Variants in EMSY observed in about 807,000 individuals in gnomAD.
The protein encoded by EMSY is EMSY transcriptional repressor, BRCA2 interacting.
Under a neutral mutation model 134.6 loss-of-function variants are expected in EMSY, and 26 were observed. The observed-to-expected ratio is 0.19, with a 90% confidence interval of 0.14 to 0.27. The LOEUF (loss-of-function observed/expected upper bound fraction) is 0.27. EMSY is among the 10% of genes least tolerant of loss of function. The pLI, the probability that EMSY is intolerant of heterozygous loss-of-function variation, is 1.00. For synonymous variants in EMSY, 579 were observed against 577.8 expected, an observed-to-expected ratio of 1.00 and a Z score of -0.03; for missense variants, 1,305 against 1,611.4, an observed-to-expected ratio of 0.81 and a Z score of 3.26.
At chr11:76,480,940 C>T (rs528319568) in intron 8 of EMSY, among the ~76,000 whole-genome samples, 17 of 152,340 alleles carry the variant, frequency 1.1e-4, no homozygotes, top group African/African-American at 3.6e-4. Context: ...GAGATTCCTT[C>T]GGGTGCCTAT....
intron 9 of EMSY, among the ~76,000 whole-genome samples, chr11:76,506,378 A>G (rs1270311013): frequency 6.6e-6 from 1 of 152,210 alleles, no homozygotes; most frequent in African/African-American, 2.4e-5. Context: ...ATTAAAGACC[A>G]CACTGATAAA....
At chr11:76,488,546 T>A (rs11236763) in intron 8 of EMSY, among the ~76,000 whole-genome samples, 1 of 152,078 alleles carries the variant, frequency 6.6e-6, no homozygotes, top group Non-Finnish European at 1.5e-5. Flanking sequence ...TTTTTTTTTT[T>A]ATTTTTTAGC....
intron 8 of EMSY, among the ~76,000 whole-genome samples, chr11:76,480,045 TTGA>T (rs1437359902): frequency 3.3e-5 from 5 of 152,236 alleles, no homozygotes; most frequent in African/African-American, 4.8e-5. Context: ...AAAGCATTTG[TTGA>T]TGATGAAGCA....
intron 11 of EMSY, among the ~76,000 whole-genome samples, chr11:76,522,696 C>G (rs1279526685): frequency 1.3e-5 from 2 of 152,028 alleles, no homozygotes; most frequent in African/African-American, 2.4e-5. Context: ...AAATACATGG[C>G]TTATTTCTTT....
intron 8 of EMSY, among the ~76,000 whole-genome samples, chr11:76,489,647 C>T (rs1349808724): frequency 6.6e-6 from 1 of 151,590 alleles, no homozygotes; most frequent in East Asian, 1.9e-4. Context: ...CTCTATCGCC[C>T]AGGCTGGAGT....
At chr11:76,522,658 G>A (rs2136273561) in intron 11 of EMSY, among the ~76,000 whole-genome samples, 1 of 152,082 alleles carries the variant, frequency 6.6e-6, no homozygotes, top group Non-Finnish European at 1.5e-5. Context: ...ACCACGCCTG[G>A]CCTACTTTGT....
At chr11:76,518,049 C>T (rs1188150945) in intron 11 of EMSY, among the ~76,000 whole-genome samples, 1 of 151,856 alleles carries the variant, frequency 6.6e-6, no homozygotes, top group Non-Finnish European at 1.5e-5. Context: ...TCTTTCATTG[C>T]CTATTTATAG....
At chr11:76,474,731 C>T (rs544121292) in intron 8 of EMSY, among the ~76,000 whole-genome samples, 1 of 152,290 alleles carries the variant, frequency 6.6e-6, no homozygotes, top group Admixed American at 6.5e-5. Context: ...TCTATTTATA[C>T]AGCAGTGAAT....
chr11:76,489,608 CTT>C (rs58914353), intron 8 of EMSY, among the ~76,000 whole-genome samples: 8 of 141,558 alleles, frequency 5.7e-5, no homozygotes, highest in Admixed American at 1.4e-4. Context: ...CTTGATGTAT[CTT>C]TTTTTTTTTT....
intron 7 of EMSY, among the ~76,000 whole-genome samples, chr11:76,471,154 C>T (rs1211423655): frequency 6.6e-6 from 1 of 152,128 alleles, no homozygotes; most frequent in Non-Finnish European, 1.5e-5. Context: ...ATTTGTCTCC[C>T]TGTTTCTACC....
Position 76,459,913 on chromosome 11 carries a change from C to CT in EMSY, c.422-17dup. 1 of 1,605,978 alleles carries CT rather than the reference C, an allele frequency of 6.2e-7. No individual in the cohort carries two copies. The highest frequency in any genetic ancestry group is 8.5e-7 in the Non-Finnish European group (1 of 1,173,948). On this transcript the variant is annotated intron_variant, in intron 5 of 20. Transcript: ENST00000334736. ...AGTTTTGGTGAAAGTTAACAGCAAACTTTTTTATCGTTCCTTCAGTAGTGG... is the reference window on the plus strand; with the variant it reads ...AGTTTTGGTGAAAGTTAACAGCAAACTTTTTTTATCGTTCCTTCAGTAGTGG...
chr11:76,537,021 C>G (rs753816146), intron 15 of EMSY, among the ~76,000 whole-genome samples: 67 of 152,252 alleles, frequency 4.4e-4, no homozygotes, highest in Admixed American at 1.1e-3. Flanking sequence ...CCAAAGATTA[C>G]TAGCATTTAA....
At chr11:76,445,572 G>A (rs760697122) in intron 1 of EMSY, among the ~76,000 whole-genome samples, 3 of 152,138 alleles carry the variant, frequency 2.0e-5, no homozygotes, top group Non-Finnish European at 4.4e-5. Context: ...TGTTTGGAGA[G>A]GGGGCGGGGC....
chr11:76,508,343 CT>C (rs35428460), intron 9 of EMSY, among the ~76,000 whole-genome samples: 131 of 147,024 alleles, frequency 8.9e-4, no homozygotes, highest in Admixed American at 1.0e-3. Flanking sequence ...TGAAAGGAAT[CT>C]TTTTTTTTTT....
intron 16 of EMSY, among the ~76,000 whole-genome samples, chr11:76,538,595 G>T (rs1226873572): frequency 6.6e-6 from 1 of 152,068 alleles, no homozygotes; most frequent in African/African-American, 2.4e-5. Flanking sequence ...AGAGTTTTTA[G>T]TTTTGTGGGA....
chr11:76,494,691 CTTCCTTCCTTCCTTCCTTCCTTCCT>C (rs1949566934), intron 8 of EMSY, among the ~76,000 whole-genome samples: 1 of 112,600 alleles, frequency 8.9e-6, no homozygotes, highest in Non-Finnish European at 1.9e-5. Context: ...TCCTTCCTTC[CTTCCTTCCTTCCTTCCTTCCTTCCT>C]TCCTTCCTTC....
intron 9 of EMSY, among the ~76,000 whole-genome samples, chr11:76,502,917 G>A (rs192555810): frequency 9.9e-5 from 15 of 152,160 alleles, no homozygotes; most frequent in East Asian, 7.7e-4. Context: ...AGACTTCTTC[G>A]TAGAAATTGA....
chr11:76,467,297 T>C (rs902434324), intron 7 of EMSY, among the ~76,000 whole-genome samples: 1 of 152,186 alleles, frequency 6.6e-6, no homozygotes, highest in Non-Finnish European at 1.5e-5. Flanking sequence ...CTGGATCTTA[T>C]TTTCTCAGTA....
intron 20 of EMSY, among the ~76,000 whole-genome samples, chr11:76,549,315 A>G (rs1951762705): frequency 6.6e-6 from 1 of 152,212 alleles, no homozygotes; most frequent in Non-Finnish European, 1.5e-5. Context: ...ACAATAGGAA[A>G]CAATGTTGGG....
Sources: gnomAD v4.1 joint callset for allele counts (sites outside exome capture counted in the v4.1 genomes callset) on GRCh38, gnomAD v4.1.1 for gene constraint, MANE v1.5 for transcripts, NCBI Gene and HGNC (gene_info 2026-07-23, HGNC 2026-07-21) for gene names.